The following BAZ2B variants were observed in gnomAD, a reference collection of about 807,000 sequenced individuals.
BAZ2B encodes bromodomain adjacent to zinc finger domain 2B, also known as bromodomain adjacent to zinc finger domain protein 2B.
BAZ2B carries 91 observed loss-of-function variants against 246.0 expected under a neutral mutation model. That is an observed-to-expected ratio of 0.37 (90% confidence interval 0.31 to 0.44). The LOEUF (loss-of-function observed/expected upper bound fraction) is 0.44, where lower values mean the gene tolerates loss of function less well. Ranked by LOEUF, BAZ2B falls within the 20% of genes least tolerant of loss-of-function variation. The pLI, the probability that BAZ2B is intolerant of heterozygous loss-of-function variation, is 1.00. For missense variants in BAZ2B, 2,332 were observed against 2,533.7 expected, an observed-to-expected ratio of 0.92 and a Z score of 1.71; for synonymous variants, 855 against 860.0, an observed-to-expected ratio of 0.99 and a Z score of 0.10.
At chr2:159,650,714 A>G in the BAZ2B span, among the ~76,000 whole-genome samples, 1 of 152,142 alleles carries the variant, frequency 6.6e-6, no homozygotes, top group African/African-American at 2.4e-5. Flanking sequence ...TGTGATATCT[A>G]GTGACCTTGG....
intron 2 of BAZ2B, among the ~76,000 whole-genome samples, chr2:159,496,567 G>T (rs1397474840): frequency 6.7e-6 from 1 of 148,804 alleles, no homozygotes; most frequent in Non-Finnish European, 1.5e-5. Context: ...CGGATCACCT[G>T]AGGTCGGGAG....
intron 2 of BAZ2B, among the ~76,000 whole-genome samples, chr2:159,554,472 C>T (rs1215711777): frequency 2.6e-5 from 4 of 151,658 alleles, no homozygotes; most frequent in Non-Finnish European, 5.9e-5. Flanking sequence ...TAAAATGCTG[C>T]CTCAGGAAAA....
At chr2:159,517,388 G>A (rs1438341445) in intron 2 of BAZ2B, among the ~76,000 whole-genome samples, 1 of 151,114 alleles carries the variant, frequency 6.6e-6, no homozygotes, top group Non-Finnish European at 1.5e-5. Flanking sequence ...AATTAGCCAT[G>A]GGTATCAAAC....
At chr2:159,357,385 A>G (rs1489769089) in intron 27 of BAZ2B, among the ~76,000 whole-genome samples, 1 of 152,050 alleles carries the variant, frequency 6.6e-6, no homozygotes, top group Non-Finnish European at 1.5e-5. Context: ...ATTGAATATC[A>G]ACTTAATGAA....
chr2:159,535,575 C>T (rs1469747183), intron 2 of BAZ2B, among the ~76,000 whole-genome samples: 1 of 152,036 alleles, frequency 6.6e-6, no homozygotes. Flanking sequence ...TATTATGACT[C>T]AATAAACTTT....
At chr2:159,530,773 C>T (rs1012967858) in intron 2 of BAZ2B, among the ~76,000 whole-genome samples, 3 of 152,034 alleles carry the variant, frequency 2.0e-5, no homozygotes, top group African/African-American at 4.8e-5. Flanking sequence ...AGTTTGAGAC[C>T]AGCCTGGCCA....
chr2:159,541,007 T>C (rs1001877995), intron 2 of BAZ2B, among the ~76,000 whole-genome samples: 4 of 152,170 alleles, frequency 2.6e-5, no homozygotes, highest in Non-Finnish European at 5.9e-5. Context: ...GAAATAATAA[T>C]AACATCAGGT....
chr2:159,336,860 G>T, intron 33 of BAZ2B, 82 bp downstream of exon 33: 2 of 1,225,252 alleles, frequency 1.6e-6, no homozygotes, highest in Non-Finnish European at 2.2e-6. Context: ...AATAGGTAAT[G>T]TATAATTAAG....
At chr2:159,554,844 T>C (rs568374242) in intron 2 of BAZ2B, among the ~76,000 whole-genome samples, 40 of 152,208 alleles carry the variant, frequency 2.6e-4, no homozygotes, top group African/African-American at 9.1e-4. Flanking sequence ...ATAAAGGCCC[T>C]GGAAAAGTTT....
chr2:159,446,844 AT>A lies in BAZ2B; in HGVS notation c.633del (p.Lys211AsnfsTer58). ...KSTSSGGGNR[K>X]CNQEQSKNQP... Reference sequence around the variant, plus strand: ...TGGTTTTTGCTTTGTTCCTGATTACATTTTCGATTTCCTCCACCTGAGCTTG... The same window carrying A: ...TGGTTTTTGCTTTGTTCCTGATTACATTTCGATTTCCTCCACCTGAGCTTG... On this transcript the variant is annotated frameshift_variant, in exon 6 of 37. Coordinates refer to ENST00000392783, the MANE Select transcript of BAZ2B (RefSeq NM_013450.4). LOFTEE classifies it high-confidence loss of function. 1 of 1,613,214 alleles carries A rather than the reference AT, an allele frequency of 6.2e-7. No individual in the cohort carries two copies. The highest frequency in any genetic ancestry group is 8.5e-7 in the Non-Finnish European group (1 of 1,179,652).
intron 3 of BAZ2B, among the ~76,000 whole-genome samples, chr2:159,456,762 C>A (rs2075824240): frequency 6.6e-6 from 1 of 152,110 alleles, no homozygotes; most frequent in Admixed American, 6.5e-5. Context: ...CTTACAGGTC[C>A]ATTCCTTGCT....
At chr2:159,382,383 C>T (rs909146589) in intron 25 of BAZ2B, among the ~76,000 whole-genome samples, 176 bp downstream of exon 25, 1 of 152,124 alleles carries the variant, frequency 6.6e-6, no homozygotes, top group East Asian at 1.9e-4. Context: ...ATTTACATAA[C>T]CATCACAAAA....
chr2:159,681,891 C>T, the BAZ2B span, among the ~76,000 whole-genome samples: 1 of 152,106 alleles, frequency 6.6e-6, no homozygotes, highest in Non-Finnish European at 1.5e-5. Context: ...CGCCACTGCA[C>T]TCCTGCCTGG....
intron 13 of BAZ2B, among the ~76,000 whole-genome samples, chr2:159,418,640 T>C (rs2150017126): frequency 6.6e-6 from 1 of 152,262 alleles, no homozygotes; most frequent in African/African-American, 2.4e-5. Flanking sequence ...ATTATGTAAA[T>C]ACAGTATACC....
At chr2:159,711,708 TTTTA>T in the BAZ2B span, among the ~76,000 whole-genome samples, 1 of 152,230 alleles carries the variant, frequency 6.6e-6, no homozygotes, top group African/African-American at 2.4e-5. Context: ...ACCTACTCCC[TTTTA>T]TTTATTAGTA....
At chr2:159,403,217 A>G (rs1338661309) in intron 16 of BAZ2B, among the ~76,000 whole-genome samples, 2 of 152,212 alleles carry the variant, frequency 1.3e-5, no homozygotes, top group Non-Finnish European at 2.9e-5. Context: ...GAGTATGAGT[A>G]GAATTACTCT....
intron 3 of BAZ2B, among the ~76,000 whole-genome samples, chr2:159,472,126 T>C (rs1271809927): frequency 6.6e-6 from 1 of 152,226 alleles, no homozygotes; most frequent in South Asian, 2.1e-4. Flanking sequence ...TGTCCTCTCT[T>C]ATTTCCTCGA....
rs1270985899 is a variant in BAZ2B, at chr2:159,432,823, C to T, written c.1834G>A (p.Glu612Lys). The T allele has an allele frequency of 6.2e-7, 1 of 1,614,086 alleles. No individual in the cohort carries two copies. ...KDSEDSNEDEEEDDEEEDEED... is the reference protein window; with the variant it reads ...KDSEDSNEDEKEDDEEEDEED... ...TCATCTTCTTCTTCATCATCTTCCT[C>T]TTCATCCTCATTTGAATCTTCAGAA... Residue 612 changes from glutamate (E) to lysine (K), a missense_variant, in exon 9 of 37, where the codon GAG (glutamate) becomes AAG (lysine). Coordinates refer to ENST00000392783, the MANE Select transcript of BAZ2B (RefSeq NM_013450.4).
chr2:159,655,852 A>G, the BAZ2B span, among the ~76,000 whole-genome samples: 1 of 152,148 alleles, frequency 6.6e-6, no homozygotes, highest in African/African-American at 2.4e-5. Flanking sequence ...ATGTTGAGTC[A>G]CTGCTATTAT....
Sources: gnomAD v4.1 joint callset for allele counts (sites outside exome capture counted in the v4.1 genomes callset) on GRCh38, gnomAD v4.1.1 for gene constraint, MANE v1.5 for transcripts, NCBI Gene and HGNC (gene_info 2026-07-23, HGNC 2026-07-21) for gene names.